Variants in LUZP2 observed in about 807,000 individuals in gnomAD.
LUZP2 encodes leucine zipper protein 2.
A neutral mutation model predicts 51.6 loss-of-function variants in LUZP2; 52 were observed. The ratio of observed to expected loss-of-function variants is 1.01; its 90% confidence interval spans 0.81 to 1.27. The LOEUF (loss-of-function observed/expected upper bound fraction) is 1.27, where lower values mean the gene tolerates loss of function less well. LUZP2 is among the 50% of genes most tolerant of loss of function. The pLI is 0.00. For missense variants in LUZP2, 436 were observed against 395.4 expected (o/e 1.10, Z -0.87); for synonymous variants, 154 against 137.3 (o/e 1.12, Z -0.85).
At chr11:24,598,749 T>C (rs1340278824) in intron 1 of LUZP2, among the ~76,000 whole-genome samples, 1 of 152,172 alleles carries the variant, frequency 6.6e-6, no homozygotes, top group Non-Finnish European at 1.5e-5. Flanking sequence ...GTTTTGTGTC[T>C]ACCTAAAGCA....
At chr11:24,957,115 C>T (rs765152884) in intron 7 of LUZP2, among the ~76,000 whole-genome samples, 11 of 152,110 alleles carry the variant, frequency 7.2e-5, no homozygotes, top group Non-Finnish European at 1.5e-4. Context: ...TCTTGTTCAA[C>T]TTGGCTTTTA....
intron 1 of LUZP2, among the ~76,000 whole-genome samples, chr11:24,606,100 AC>A: frequency 6.6e-6 from 1 of 151,764 alleles, no homozygotes; most frequent in East Asian, 1.9e-4. Flanking sequence ...ATATATTTAT[AC>A]GTATATATGC....
chr11:25,013,859 A>G (rs1009764205), intron 9 of LUZP2, among the ~76,000 whole-genome samples: 13 of 152,168 alleles, frequency 8.5e-5, no homozygotes, highest in African/African-American at 2.6e-4. Context: ...TTAGCTCATC[A>G]TTTAACATTA....
At chr11:24,694,732 T>C (rs1211149567) in intron 1 of LUZP2, among the ~76,000 whole-genome samples, 1 of 152,126 alleles carries the variant, frequency 6.6e-6, no homozygotes, top group African/African-American at 2.4e-5. Flanking sequence ...CATGGAATAC[T>C]ATGCAGCCAT....
chr11:24,621,069 AC>A (rs1417639828), intron 1 of LUZP2, among the ~76,000 whole-genome samples: 2 of 152,206 alleles, frequency 1.3e-5, no homozygotes, highest in African/African-American at 4.8e-5. Context: ...TAAGGTAGCT[AC>A]TAATCTGATA....
chr11:24,571,427 A>G (rs1223768464), intron 1 of LUZP2, among the ~76,000 whole-genome samples: 2 of 152,094 alleles, frequency 1.3e-5, no homozygotes, highest in Non-Finnish European at 2.9e-5. Flanking sequence ...TAGTATATTT[A>G]TATTTTCCCT....
chr11:24,500,626 T>G (rs1232649790), intron 1 of LUZP2, among the ~76,000 whole-genome samples: 6 of 152,180 alleles, frequency 3.9e-5, no homozygotes, highest in Non-Finnish European at 8.8e-5. Context: ...CTGCTGAACC[T>G]CTGTTCCTTT....
At chr11:24,826,190 A>AAAATATATATATATATAT (rs1215786412) in intron 5 of LUZP2, among the ~76,000 whole-genome samples, 66 of 67,522 alleles carry the variant, frequency 9.8e-4, no homozygotes, top group East Asian at 9.0e-3. Context: ...AAAAAAAAAA[A>AAAATATATATATATATAT]ATATATATAT....
Position 24,819,871 on chromosome 11 carries a change from T to A in LUZP2, c.396+56563T>A, listed in dbSNP as rs1480040941. ...ATTTTTCCCACAATGAGGCTCTTCA[T>A]TTTATGAGCAAAAGACACTAGGCAC... On this transcript the variant is annotated intron_variant, in intron 5 of 11. Coordinates refer to ENST00000336930, the MANE Select transcript of LUZP2 (RefSeq NM_001009909.4). Among the ~76,000 whole-genome samples the A allele has an allele frequency of 2.0e-5, 3 of 152,298 alleles. No individual in the cohort carries two copies. In the East Asian group the frequency reaches 5.8e-4, roughly 29 times the overall value.
intron 1 of LUZP2, among the ~76,000 whole-genome samples, chr11:24,683,969 T>C (rs117608757): frequency 0.012 from 1,822 of 152,254 alleles, 16 homozygotes; most frequent in Middle Eastern, 0.024. Context: ...CAGACTCACA[T>C]AGCAATCATT....
At chr11:24,818,240 CA>C (rs1210487394) in intron 5 of LUZP2, among the ~76,000 whole-genome samples, 1 of 152,032 alleles carries the variant, frequency 6.6e-6, no homozygotes, top group Non-Finnish European at 1.5e-5. Context: ...TTTCTTCCAT[CA>C]AGAAGCAAGA....
intron 7 of LUZP2, among the ~76,000 whole-genome samples, chr11:24,966,507 T>G (rs1263953078): frequency 6.6e-6 from 1 of 150,512 alleles, no homozygotes; most frequent in Non-Finnish European, 1.5e-5. Flanking sequence ...AGAAGATTTA[T>G]GTTTGAGCTT....
At chr11:24,937,065 C>T (rs892486761) in intron 7 of LUZP2, among the ~76,000 whole-genome samples, 1 of 151,952 alleles carries the variant, frequency 6.6e-6, no homozygotes, top group African/African-American at 2.4e-5. Flanking sequence ...CACACACACA[C>T]ACACACATGA....
intron 5 of LUZP2, among the ~76,000 whole-genome samples, chr11:24,774,220 G>C (rs571820870): frequency 9.9e-5 from 15 of 151,324 alleles, no homozygotes; most frequent in African/African-American, 3.6e-4. Context: ...TCGAACATTA[G>C]ACTTCAAATT....
At chr11:24,619,845 A>G (rs183285374) in intron 1 of LUZP2, among the ~76,000 whole-genome samples, 142 of 152,272 alleles carry the variant, frequency 9.3e-4, no homozygotes, top group Non-Finnish European at 1.6e-3. Flanking sequence ...TACAGATGCA[A>G]TTTTTTAAAA....
At chr11:24,615,626 T>C (rs1854260606) in intron 1 of LUZP2, among the ~76,000 whole-genome samples, 1 of 152,058 alleles carries the variant, frequency 6.6e-6, no homozygotes, top group East Asian at 1.9e-4. Flanking sequence ...CAAGTTTCTA[T>C]GTGAACATAA....
At chr11:24,679,240 A>G (rs1423403145) in intron 1 of LUZP2, among the ~76,000 whole-genome samples, 3 of 152,230 alleles carry the variant, frequency 2.0e-5, no homozygotes, top group Non-Finnish European at 4.4e-5. Context: ...CTCAAATATT[A>G]GAGCATACCT....
At chr11:24,727,702 A>G (rs1379044746) in intron 1 of LUZP2, among the ~76,000 whole-genome samples, 1 of 152,028 alleles carries the variant, frequency 6.6e-6, no homozygotes, top group African/African-American at 2.4e-5. Flanking sequence ...TGGGGCATTA[A>G]TAATTGTCTG....
intron 1 of LUZP2, among the ~76,000 whole-genome samples, chr11:24,722,852 G>C (rs186946112): frequency 6.6e-6 from 1 of 151,874 alleles, no homozygotes; most frequent in Non-Finnish European, 1.5e-5. Context: ...AGGACGTGGA[G>C]GTTGCAGTGA....
Sources: gnomAD v4.1 joint callset for allele counts (sites outside exome capture counted in the v4.1 genomes callset) on GRCh38, gnomAD v4.1.1 for gene constraint, MANE v1.5 for transcripts, NCBI Gene and HGNC (gene_info 2026-07-23, HGNC 2026-07-21) for gene names.